DNAH11: variants seen among roughly 807,000 people sequenced by gnomAD.
DNAH11 encodes dynein axonemal heavy chain 11, also known as axonemal beta dynein heavy chain 11.
Under a neutral mutation model 526.0 loss-of-function variants are expected in DNAH11, and 442 were observed. The observed-to-expected ratio is 0.84, with a 90% CI of 0.78 to 0.91. The LOEUF (loss-of-function observed/expected upper bound fraction) is 0.91. Ranked by LOEUF, DNAH11 falls within the 40% of genes least tolerant of loss-of-function variation. DNAH11 has a pLI of 0.00. For synonymous variants in DNAH11, 2,461 were observed against 1,935.9 expected (o/e 1.27, Z -7.12); for missense variants, 6,989 against 5,448.7 (o/e 1.28, Z -8.90).
intron 40 of DNAH11, 150 bp downstream of exon 40, chr7:21,707,985 G>A: frequency 1.3e-6 from 1 of 757,002 alleles, no homozygotes; most frequent in Non-Finnish European, 1.9e-6. Context: ...CATTTATAAT[G>A]TATAAATTAA....
intron 14 of DNAH11, among the ~76,000 whole-genome samples, chr7:21,593,872 C>T (rs1228881582): frequency 6.6e-6 from 1 of 151,740 alleles, no homozygotes; most frequent in African/African-American, 2.4e-5. Flanking sequence ...GCAGACAGAC[C>T]CCCTCCCCTG....
chr7:21,648,595 CA>C (rs1243784999), intron 28 of DNAH11, among the ~76,000 whole-genome samples: 1 of 152,214 alleles, frequency 6.6e-6, no homozygotes, highest in East Asian at 1.9e-4. Flanking sequence ...ATATGTGGGA[CA>C]GCCCAGCTGG....
intron 61 of DNAH11, among the ~76,000 whole-genome samples, chr7:21,797,380 C>T (rs1168816735): frequency 2.7e-5 from 4 of 149,034 alleles, no homozygotes; most frequent in Non-Finnish European, 5.9e-5. Flanking sequence ...CCACCATGCC[C>T]GGCTAATTTT....
Position 21,797,814 on chromosome 7 carries a change from G to T in DNAH11, c.10027-3323G>T, listed in dbSNP as rs567547974. Among the ~76,000 whole-genome samples the T allele has an allele frequency of 3.9e-5, 6 of 152,086 alleles. No homozygotes were observed. The East Asian group carries it at 1.2e-3, about 29-fold the overall frequency. ...ACCCAAACATTTGCCATTAAGTTAC[G>T]TTTTCATTCAATGAAAAAAAGGAAC... On this transcript the variant is annotated intron_variant, in intron 61 of 81. Transcript: ENST00000409508.
At chr7:21,845,727 T>C (rs1172403717) in intron 66 of DNAH11, among the ~76,000 whole-genome samples, 1 of 152,214 alleles carries the variant, frequency 6.6e-6, no homozygotes, top group Non-Finnish European at 1.5e-5. Context: ...ATATAAACTT[T>C]AGAATCAGAT....
At chr7:21,667,921 G>T (rs1334475469) in intron 30 of DNAH11, among the ~76,000 whole-genome samples, 1 of 152,064 alleles carries the variant, frequency 6.6e-6, no homozygotes, top group Admixed American at 6.6e-5. Flanking sequence ...TTGTAATCAT[G>T]GTAGTCAAAG....
chr7:21,789,817 T>TTTCTTTC (rs1788380598), intron 61 of DNAH11, among the ~76,000 whole-genome samples: 2 of 69,532 alleles, frequency 2.9e-5, no homozygotes, highest in East Asian at 7.9e-4. Context: ...TTTTTCTTTC[T>TTTCTTTC]TTCTTTCTTT....
intron 14 of DNAH11, among the ~76,000 whole-genome samples, chr7:21,594,010 A>G (rs1275663543): frequency 6.7e-6 from 1 of 150,292 alleles, no homozygotes; most frequent in Non-Finnish European, 1.5e-5. Context: ...CACATATCAC[A>G]CACACACTCA....
At chr7:21,739,729 A>G (rs1785791358) in intron 48 of DNAH11, 56 bp downstream of exon 48, 2 of 1,344,802 alleles carry the variant, frequency 1.5e-6, no homozygotes, top group Admixed American at 3.9e-5. Flanking sequence ...ATTGTTTTCG[A>G]GTACAGCTTA....
chr7:21,610,801 A>G (rs113625704), intron 20 of DNAH11, among the ~76,000 whole-genome samples: 1,774 of 152,334 alleles, frequency 0.012, 37 homozygotes, highest in African/African-American at 0.04. Flanking sequence ...GGAGGAAATC[A>G]CTTAGAACGC....
chr7:21,578,067 G>A (rs541265360), intron 8 of DNAH11, among the ~76,000 whole-genome samples: 12 of 152,266 alleles, frequency 7.9e-5, no homozygotes, highest in Admixed American at 6.5e-4. Context: ...TGAAGGGGAA[G>A]CAAGGACCTT....
intron 54 of DNAH11, among the ~76,000 whole-genome samples, chr7:21,751,333 A>T (rs1786404869): frequency 6.6e-6 from 1 of 152,130 alleles, no homozygotes; most frequent in Non-Finnish European, 1.5e-5. Flanking sequence ...CAAAAAACAA[A>T]AGAAGTAATG....
At chr7:21,836,769 T>C (rs1782011540) in intron 65 of DNAH11, among the ~76,000 whole-genome samples, 1 of 152,122 alleles carries the variant, frequency 6.6e-6, no homozygotes, top group African/African-American at 2.4e-5. Context: ...AAAAAGCTTC[T>C]GCACAACAAA....
chr7:21,831,644 T>TC (rs1781774268), intron 65 of DNAH11, among the ~76,000 whole-genome samples: 1 of 152,038 alleles, frequency 6.6e-6, no homozygotes, highest in Non-Finnish European at 1.5e-5. Context: ...TAACACCTAT[T>TC]CCCCAAGCAG....
intron 54 of DNAH11, among the ~76,000 whole-genome samples, chr7:21,751,639 G>A (rs939734526): frequency 6.6e-6 from 1 of 152,190 alleles, no homozygotes; most frequent in Non-Finnish European, 1.5e-5. Context: ...GAGTATTTAA[G>A]GATAGGAGAC....
intron 18 of DNAH11, among the ~76,000 whole-genome samples, chr7:21,605,283 A>G (rs1364305901): frequency 6.6e-6 from 1 of 152,218 alleles, no homozygotes. Flanking sequence ...CTACAAGTAG[A>G]GTTCCATCAC....
At chr7:21,789,124 A>AT in intron 60 of DNAH11, 117 bp from the exon 61 acceptor site, 1 of 725,064 alleles carries the variant, frequency 1.4e-6, no homozygotes, top group South Asian at 1.9e-5. Context: ...CCCCATCTCA[A>AT]TAAAAAAAGA....
At chr7:21,593,608 A>G (rs1308089051) in intron 14 of DNAH11, among the ~76,000 whole-genome samples, 1 of 152,186 alleles carries the variant, frequency 6.6e-6, no homozygotes, top group African/African-American at 2.4e-5. Context: ...AGGTGTCTTT[A>G]GACAGGAGCG....
At chr7:21,885,353 A>G (rs1784090483) in intron 76 of DNAH11, among the ~76,000 whole-genome samples, 1 of 150,492 alleles carries the variant, frequency 6.6e-6, no homozygotes, top group Non-Finnish European at 1.5e-5. Flanking sequence ...AAATGAAATA[A>G]GTCAGACGCA....
Sources: allele counts gnomAD v4.1 joint callset (sites outside exome capture counted in the v4.1 genomes callset), GRCh38; gene constraint gnomAD v4.1.1; transcripts MANE v1.5; gene names NCBI Gene and HGNC (gene_info 2026-07-23, HGNC 2026-07-21).